The following RANBP2 variants were observed in gnomAD, a reference collection of about 807,000 sequenced individuals.
RANBP2 encodes RAN binding protein 2, also known as E3 SUMO-protein ligase RanBP2.
A neutral mutation model predicts 303.6 loss-of-function variants in RANBP2; 57 were observed. The observed-to-expected ratio is 0.19, with a 90% CI of 0.15 to 0.23. RANBP2 has a LOEUF of 0.23. RANBP2 is among the 10% of genes least tolerant of loss of function. The probability of loss-of-function intolerance (pLI) is 1.00; values close to 1 mark genes in which losing one functional copy is unlikely to be tolerated. For missense variants in RANBP2, 3,138 were observed against 3,780.8 expected (o/e 0.83, Z 4.46); for synonymous variants, 1,167 against 1,301.5 (o/e 0.90, Z 2.23).
the RANBP2 span, among the ~76,000 whole-genome samples, chr2:109,234,324 G>C: frequency 6.6e-6 from 1 of 152,214 alleles, no homozygotes; most frequent in Non-Finnish European, 1.5e-5. Flanking sequence ...GTTAGATGAA[G>C]TGAAACTGTT....
the RANBP2 span, among the ~76,000 whole-genome samples, chr2:109,498,377 C>T: frequency 2.0e-5 from 3 of 152,204 alleles, no homozygotes; most frequent in Admixed American, 2.0e-4. Context: ...CCTCCTCTTG[C>T]CAGCCTGGTG....
At chr2:109,477,342 A>C in the RANBP2 span, among the ~76,000 whole-genome samples, 1 of 152,166 alleles carries the variant, frequency 6.6e-6, no homozygotes, top group Non-Finnish European at 1.5e-5. Flanking sequence ...CCATGAAAAA[A>C]GTGACAGGTA....
At chr2:108,929,417 C>T in the RANBP2 span, 2 of 1,607,140 alleles carry the variant, frequency 1.2e-6, no homozygotes, top group East Asian at 2.2e-5. Context: ...CAGGTGAGTG[C>T]AGCAGCCAAA....
At chr2:109,215,238 G>A in the RANBP2 span, among the ~76,000 whole-genome samples, 3 of 152,108 alleles carry the variant, frequency 2.0e-5, no homozygotes, top group Non-Finnish European at 2.9e-5. Flanking sequence ...CTAATGTCAC[G>A]GGCAGAGGAA....
chr2:108,865,096 T>A, the RANBP2 span, among the ~76,000 whole-genome samples: 2 of 152,136 alleles, frequency 1.3e-5, no homozygotes, highest in Non-Finnish European at 2.9e-5. Flanking sequence ...TACACATTTT[T>A]ACTTTTTCCT....
At chr2:109,762,015 TTTA>T in the RANBP2 span, among the ~76,000 whole-genome samples, 1 of 145,816 alleles carries the variant, frequency 6.9e-6, no homozygotes, top group South Asian at 2.3e-4. Flanking sequence ...TCCAGTGACT[TTTA>T]TTTTCCTAAA....
At chr2:109,129,866 C>G in the RANBP2 span, 1 of 1,525,186 alleles carries the variant, frequency 6.6e-7, no homozygotes, top group Non-Finnish European at 8.8e-7. Context: ...GACGAACTGC[C>G]CGCCAACATC....
chr2:108,764,850 G>GTTT lies in RANBP2; in HGVS notation c.4312_4313insTTT (p.Ala1437_Cys1438insPhe). ...AACCTACTGTATCTAGGTGCATTGCGTGTCAGAATACAAAATCTGCTAACA... is the reference window on the plus strand; with the variant it reads ...AACCTACTGTATCTAGGTGCATTGCGTTTTGTCAGAATACAAAATCTGCTAACA... On this transcript the variant is annotated inframe_insertion, in exon 20 of 29. Transcript: ENST00000283195. 1 of 1,613,978 alleles carries GTTT rather than the reference G, an allele frequency of 6.2e-7. No individual in the cohort carries two copies. The highest frequency in any genetic ancestry group is 8.5e-7 in the Non-Finnish European group (1 of 1,179,918).
At position 108,767,168 on chromosome 2, in the gene RANBP2, CAAT is replaced by C. The variant is rs1558926167; in HGVS notation, c.6632_6634del (p.Ile2211del). ...GGTGCGGCCGGTGCCTCAGACACAA[CAAT>C]AAAACCCAATCCTGAAAACACTGGG... On this transcript the variant is annotated inframe_deletion, in exon 20 of 29. Transcript: ENST00000283195. The C allele has an allele frequency of 6.2e-7, 1 of 1,611,960 alleles. No individual in the cohort carries two copies. The highest frequency in any genetic ancestry group is 1.1e-5 in the South Asian group (1 of 90,982).
chr2:109,170,920 G>C, the RANBP2 span, among the ~76,000 whole-genome samples: 1 of 152,172 alleles, frequency 6.6e-6, no homozygotes, highest in Non-Finnish European at 1.5e-5. Flanking sequence ...TCACTAAGCA[G>C]CTGTTGCCTG....
the RANBP2 span, among the ~76,000 whole-genome samples, chr2:109,683,821 T>C: frequency 6.6e-6 from 1 of 152,222 alleles, no homozygotes; most frequent in African/African-American, 2.4e-5. Flanking sequence ...GTGTCTTTAC[T>C]GGTATTGTGT....
the RANBP2 span, chr2:109,449,362 C>T: frequency 2.5e-6 from 4 of 1,609,002 alleles, no homozygotes; most frequent in African/African-American, 1.3e-5. Context: ...GCAGCATCAG[C>T]CATCACACCT....
At chr2:108,884,568 T>C in the RANBP2 span, 1 of 152,208 alleles carries the variant, frequency 6.6e-6, no homozygotes, top group South Asian at 2.1e-4. Context: ...TTCTTTGTGG[T>C]AGTGACAGCG....
the RANBP2 span, among the ~76,000 whole-genome samples, chr2:109,282,282 T>C: frequency 7.3e-6 from 1 of 136,856 alleles, no homozygotes; most frequent in Admixed American, 7.1e-5. Flanking sequence ...GTAGATCAGA[T>C]TGACTGTTTA....
the RANBP2 span, chr2:109,613,287 C>G: frequency 3.9e-6 from 3 of 769,410 alleles, no homozygotes; most frequent in South Asian, 2.1e-5. Context: ...AGAGTCAAGG[C>G]GGGAAAAAAA....
chr2:109,440,603 A>G, the RANBP2 span, among the ~76,000 whole-genome samples: 1 of 152,214 alleles, frequency 6.6e-6, no homozygotes, highest in Non-Finnish European at 1.5e-5. Flanking sequence ...AAGTATATAA[A>G]ACAACAGTTT....
the RANBP2 span, among the ~76,000 whole-genome samples, chr2:109,175,999 G>A: frequency 6.6e-6 from 1 of 152,176 alleles, no homozygotes; most frequent in South Asian, 2.1e-4. Context: ...AGATCCACGT[G>A]GTCTAATTGA....
the RANBP2 span, among the ~76,000 whole-genome samples, chr2:109,388,702 C>A: frequency 1.5e-4 from 23 of 152,188 alleles, no homozygotes; most frequent in Non-Finnish European, 3.1e-4. Flanking sequence ...TTTGAAGCAT[C>A]TGTGAAATGA....
chr2:109,014,705 T>C, the RANBP2 span, among the ~76,000 whole-genome samples: 1 of 152,360 alleles, frequency 6.6e-6, no homozygotes, highest in East Asian at 1.9e-4. Context: ...TGTTGCAGGA[T>C]GCACGTGTGA....
Sources: gnomAD v4.1 joint callset for allele counts (sites outside exome capture counted in the v4.1 genomes callset) on GRCh38, gnomAD v4.1.1 for gene constraint, MANE v1.5 for transcripts, NCBI Gene and HGNC (gene_info 2026-07-23, HGNC 2026-07-21) for gene names.